The following STK32C variants were observed in gnomAD, a reference collection of about 807,000 sequenced individuals.
STK32C encodes the protein serine/threonine kinase 32C.
Under a neutral mutation model 56.5 loss-of-function variants are expected in STK32C, and 31 were observed. The ratio of observed to expected loss-of-function variants is 0.55; its 90% CI spans 0.41 to 0.74. The LOEUF is 0.74. Among genes scored for constraint, STK32C ranks in the 30% least tolerant of loss-of-function variants. The pLI is 0.00. For missense variants in STK32C, 544 were observed against 676.9 expected, an observed-to-expected ratio of 0.80 and a Z score of 2.18; for synonymous variants, 309 against 289.4, an observed-to-expected ratio of 1.07 and a Z score of -0.69.
At position 132,325,425 on chromosome 10, in the gene STK32C, T is replaced by C. The variant is rs959458658; in HGVS notation, c.302-1052A>G. On this transcript the variant is annotated intron_variant, in intron 1 of 1. Coordinates refer to the STK32C transcript ENST00000368619. Reference sequence around the variant, plus strand: ...AAAATTAGCCAGGCGTGGTGGCGGGTGCCTGTAGTCCCAGCTACTCGGGAG... The same window carrying C: ...AAAATTAGCCAGGCGTGGTGGCGGGCGCCTGTAGTCCCAGCTACTCGGGAG... Among the ~76,000 whole-genome samples the C allele has an allele frequency of 7.9e-5, 12 of 151,490 alleles. No homozygotes were observed. The South Asian group carries it at 8.4e-4, about 11-fold the overall frequency.
intron 10 of STK32C, among the ~76,000 whole-genome samples, chr10:132,220,214 G>A (rs2062591531): frequency 6.6e-6 from 1 of 152,248 alleles, no homozygotes; most frequent in Non-Finnish European, 1.5e-5. Flanking sequence ...GAAGAGGGGA[G>A]GAGATGGAGA....
At chr10:132,226,597 T>A (rs1029929006) in intron 4 of STK32C, among the ~76,000 whole-genome samples, 198 bp downstream of exon 4, 50 of 152,314 alleles carry the variant, frequency 3.3e-4, no homozygotes, top group African/African-American at 1.2e-3. Context: ...TCCCCCCAGA[T>A]GGACACCAGG....
At chr10:132,275,355 C>T (rs1264831413) in intron 1 of STK32C, among the ~76,000 whole-genome samples, 2 of 152,116 alleles carry the variant, frequency 1.3e-5, no homozygotes, top group African/African-American at 2.4e-5. Flanking sequence ...TGCAAGAGGC[C>T]GAGGGAAGGT....
chr10:132,216,467 CAA>C (rs35942990), intron 10 of STK32C, among the ~76,000 whole-genome samples: 42 of 121,350 alleles, frequency 3.5e-4, no homozygotes, highest in Non-Finnish European at 2.8e-4. Flanking sequence ...AAGACTGTCT[CAA>C]AAAAAAAAAA....
intron 2 of STK32C, among the ~76,000 whole-genome samples, chr10:132,234,766 T>C (rs1245258849): frequency 6.6e-6 from 1 of 152,152 alleles, no homozygotes; most frequent in Non-Finnish European, 1.5e-5. Context: ...TGGGGGGGCC[T>C]TGGGGGTTGG....
intron 1 of STK32C, among the ~76,000 whole-genome samples, chr10:132,269,028 T>C (rs1397400069): frequency 1.3e-5 from 2 of 151,830 alleles, no homozygotes; most frequent in Non-Finnish European, 2.9e-5. Flanking sequence ...TGTGCACGCA[T>C]GTCCCACATC....
At chr10:132,276,630 G>A (rs2138194312) in intron 1 of STK32C, among the ~76,000 whole-genome samples, 1 of 142,942 alleles carries the variant, frequency 7.0e-6, no homozygotes, top group East Asian at 2.0e-4. Context: ...AAAAAAAAAA[G>A]TTTTTAATTA....
chr10:132,226,527 C>A (rs752014805), intron 4 of STK32C, among the ~76,000 whole-genome samples: 2 of 152,206 alleles, frequency 1.3e-5, no homozygotes, highest in Admixed American at 1.3e-4. Context: ...GCCTGGTGGT[C>A]TGTCCACCAG....
upstream of STK32C, among the ~76,000 whole-genome samples, chr10:132,311,287 G>C (rs778179086): frequency 1.3e-5 from 2 of 152,180 alleles, no homozygotes; most frequent in Non-Finnish European, 2.9e-5. This position sits in a 1 kb window ranked among gnomAD's most constrained non-coding sequence, Gnocchi z 4.4. Flanking sequence ...GCTGTTTCCT[G>C]CTGGAAAACA....
At chr10:132,239,230 G>A (rs1050862910) in intron 2 of STK32C, among the ~76,000 whole-genome samples, 1 of 152,160 alleles carries the variant, frequency 6.6e-6, no homozygotes, top group Non-Finnish European at 1.5e-5. Flanking sequence ...CCTCCCCACA[G>A]CCTGTCCTGG....
At chr10:132,324,458 A>G (rs2066461420) in intron 1 of STK32C, 2 of 680,872 alleles carry the variant, frequency 2.9e-6, no homozygotes, top group Non-Finnish European at 5.5e-6. Flanking sequence ...GTCACATTGT[A>G]TGATGATTGG....
chr10:132,249,420 A>C (rs1175165942), intron 1 of STK32C, among the ~76,000 whole-genome samples: 2 of 152,116 alleles, frequency 1.3e-5, no homozygotes, highest in Non-Finnish European at 2.9e-5. Flanking sequence ...GGAATCCTGG[A>C]TGTGGCTCCA....
upstream of STK32C, among the ~76,000 whole-genome samples, chr10:132,308,663 G>C (rs1018407871): frequency 6.6e-6 from 1 of 152,136 alleles, no homozygotes; most frequent in African/African-American, 2.4e-5. Flanking sequence ...CCGCGCTCTC[G>C]GGCACCCCCG....
chr10:132,267,574 C>CGTGT (rs374152472), intron 1 of STK32C, among the ~76,000 whole-genome samples: 7 of 137,176 alleles, frequency 5.1e-5, no homozygotes, highest in South Asian at 2.4e-4. Context: ...AGTCCCACAT[C>CGTGT]GTGTGTGTGT....
chr10:132,267,652 A>G (rs2064603979), intron 1 of STK32C, among the ~76,000 whole-genome samples: 9 of 133,076 alleles, frequency 6.8e-5, no homozygotes, highest in African/African-American at 1.9e-4. Flanking sequence ...CATGTCCCAC[A>G]TCATGTGTGT....
intron 10 of STK32C, among the ~76,000 whole-genome samples, chr10:132,222,309 G>A (rs866138410): frequency 1.3e-4 from 20 of 148,928 alleles, no homozygotes; most frequent in South Asian, 4.5e-4. Flanking sequence ...TGATGCTGAC[G>A]CACCTGGGCG....
intron 2 of STK32C, among the ~76,000 whole-genome samples, chr10:132,244,868 C>T (rs546159615): frequency 6.2e-4 from 95 of 152,352 alleles, no homozygotes; most frequent in South Asian, 4.6e-3. Context: ...CCGCCAGCTT[C>T]AGCACCTCAC....
chr10:132,297,420 C>A (rs1335644573), intron 1 of STK32C, among the ~76,000 whole-genome samples: 2 of 152,194 alleles, frequency 1.3e-5, no homozygotes, highest in Non-Finnish European at 2.9e-5. Context: ...AATTCCCAGC[C>A]CCACCAGGGG....
At chr10:132,324,079 C>G in exon 2 of STK32C, 1 of 616,670 alleles carries the variant, frequency 1.6e-6, no homozygotes, top group Non-Finnish European at 2.9e-6. Context: ...ACACCCACAC[C>G]TGGACCAAAT....
Sources: gnomAD v4.1 joint callset for allele counts (sites outside exome capture counted in the v4.1 genomes callset) on GRCh38, gnomAD v4.1.1 for gene constraint, Gnocchi (gnomAD v3.1) non-coding constraint, MANE v1.5 for transcripts, NCBI Gene and HGNC (gene_info 2026-07-23, HGNC 2026-07-21) for gene names.